Variants in BACH2 observed in about 807,000 individuals in gnomAD.
The protein encoded by BACH2 is BACH transcriptional regulator 2, also known as transcription regulator protein BACH2.
Under a neutral mutation model 61.8 loss-of-function variants are expected in BACH2, and 5 were observed. The ratio of observed to expected loss-of-function variants is 0.08; its 90% CI spans 0.04 to 0.17. The LOEUF is 0.17. BACH2 is among the 10% of genes least tolerant of loss of function. BACH2 has a pLI of 1.00. For synonymous variants in BACH2, 446 were observed against 440.1 expected (o/e 1.01, Z -0.17); for missense variants, 824 against 1,091.1 (o/e 0.76, Z 3.45).
chr6:90,285,404 C>T (rs570443787), intron 1 of BACH2, among the ~76,000 whole-genome samples: 11 of 152,248 alleles, frequency 7.2e-5, no homozygotes, highest in South Asian at 2.1e-4. Context: ...GTTTCAGTTA[C>T]GCCAAGAAAG....
At chr6:89,997,099 G>A (rs775642392) in intron 6 of BACH2, among the ~76,000 whole-genome samples, 2 of 151,840 alleles carry the variant, frequency 1.3e-5, no homozygotes, top group Non-Finnish European at 2.9e-5. Context: ...ATCTTATACT[G>A]TTACAAAATC....
intron 4 of BACH2, among the ~76,000 whole-genome samples, chr6:90,191,189 A>C (rs1460964352): frequency 6.6e-6 from 1 of 152,202 alleles, no homozygotes; most frequent in Non-Finnish European, 1.5e-5. Flanking sequence ...TTCAGAAAGG[A>C]GGGCAAGTGT....
At chr6:90,131,182 C>A (rs773703841) in intron 4 of BACH2, among the ~76,000 whole-genome samples, 1 of 152,004 alleles carries the variant, frequency 6.6e-6, no homozygotes, top group African/African-American at 2.4e-5. Flanking sequence ...GAAGTTTGAC[C>A]CTAAAAAACA....
intron 5 of BACH2, among the ~76,000 whole-genome samples, chr6:90,021,937 G>A (rs1778398505): frequency 6.6e-6 from 1 of 152,194 alleles, no homozygotes; most frequent in Non-Finnish European, 1.5e-5. Flanking sequence ...TTAGTGCCAA[G>A]GGAACTGAAA....
chr6:90,069,933 G>C (rs776455712), intron 5 of BACH2, among the ~76,000 whole-genome samples: 1 of 152,100 alleles, frequency 6.6e-6, no homozygotes, highest in Non-Finnish European at 1.5e-5. Flanking sequence ...GAGAACCTTC[G>C]GAGAACTTGA....
At chr6:89,973,209 C>T (rs923331883) in intron 6 of BACH2, among the ~76,000 whole-genome samples, 9 of 152,052 alleles carry the variant, frequency 5.9e-5, no homozygotes, top group Non-Finnish European at 1.0e-4. Context: ...CAGGACCAGC[C>T]TGGGCAACAC....
chr6:90,022,074 C>A (rs930290221), intron 5 of BACH2, among the ~76,000 whole-genome samples: 1 of 152,150 alleles, frequency 6.6e-6, no homozygotes, highest in African/African-American at 2.4e-5. Context: ...GTTCAATGTT[C>A]AAAAACTGAC....
chr6:89,983,710 A>T (rs1236166119), intron 6 of BACH2, among the ~76,000 whole-genome samples: 4 of 152,198 alleles, frequency 2.6e-5, no homozygotes, highest in Non-Finnish European at 5.9e-5. Flanking sequence ...TTCCTTAGTC[A>T]CACACGTGGC....
rs1414549457 is a variant in BACH2, at chr6:89,931,841, AAAG to A, written c.*564_*566del. 6.6e-6 allele frequency: 1 copy of A among 152,358 alleles called. No homozygotes were observed. The highest frequency in any genetic ancestry group is 1.5e-5 in the Non-Finnish European group (1 of 67,976). 9.4% of individuals were successfully genotyped at this position (152,358 alleles called of 1,614,324 possible). ...CAAACTAGTTCTAGCATCAGAGACA[AAAG>A]AAGAGGAATGTTGGAACCTGTTTCT... On this transcript the variant is annotated 3_prime_UTR_variant, in exon 9 of 9. Transcript: ENST00000257749.
chr6:90,203,391 CAAAAAAAAAAAAAAA>C, intron 4 of BACH2, among the ~76,000 whole-genome samples: 1 of 59,790 alleles, frequency 1.7e-5, no homozygotes, highest in South Asian at 8.5e-4. Context: ...TCTCTCTCTC[CAAAAAAAAAAAAAAA>C]AAAAAAAAAA....
At chr6:90,242,319 C>G (rs1770481904) in intron 3 of BACH2, among the ~76,000 whole-genome samples, 1 of 152,198 alleles carries the variant, frequency 6.6e-6, no homozygotes, top group South Asian at 2.1e-4. Flanking sequence ...TTTGCCTTTT[C>G]TATAGTTTAA....
Position 90,008,167 on chromosome 6 carries a change from TA to T in BACH2, c.243+434del, listed in dbSNP as rs1185303328. On this transcript the variant is annotated intron_variant, in intron 6 of 8. Transcript: ENST00000257749. This position sits in a 1 kb window ranked among gnomAD's most constrained non-coding sequence, Gnocchi z 4.1. The stretch of plus-strand genomic sequence containing the variant: ...TTACTGAATTAATGGTGAAAATTAC[TA>T]GTTGCTTTTATTTTTCCCCCAAGCA... 1 of 168,292 alleles carries T rather than the reference TA, an allele frequency of 5.9e-6. No individual in the cohort carries two copies. Among genetic ancestry groups the T allele is most frequent in the Non-Finnish European group, 1.3e-5 (1 of 77,074 alleles). The allele number at this position is 168,292 out of a possible 1,614,324, so 10.4% of individuals were successfully genotyped here. A position where few individuals can be genotyped will look rare whatever the true frequency, so the allele number is the denominator to read the frequency against.
chr6:89,927,233 A>C lies in BACH2; in HGVS notation c.*5175T>G, dbSNP rs1772400315. Reference sequence around the variant, plus strand: ...CCCAAATGCATATGGAATCTTCCTGATCACTCACTAGAGGTGCCATGTCTT... The same window carrying C: ...CCCAAATGCATATGGAATCTTCCTGCTCACTCACTAGAGGTGCCATGTCTT... On this transcript the variant is annotated 3_prime_UTR_variant, in exon 9 of 9. Transcript: ENST00000257749. The C allele has an allele frequency of 6.5e-6, 1 of 152,794 alleles. No individual in the cohort carries two copies. The highest frequency in any genetic ancestry group is 1.5e-5 in the Non-Finnish European group (1 of 68,032). 9.5% of individuals were successfully genotyped at this position (152,794 alleles called of 1,614,324 possible).
At chr6:90,087,029 A>T (rs544311587) in intron 5 of BACH2, among the ~76,000 whole-genome samples, 1 of 152,130 alleles carries the variant, frequency 6.6e-6, no homozygotes, top group Admixed American at 6.5e-5. Flanking sequence ...GATCACTTTT[A>T]ACACTTACTG....
chr6:90,096,630 C>T (rs548868748), intron 4 of BACH2, among the ~76,000 whole-genome samples: 8 of 152,322 alleles, frequency 5.3e-5, no homozygotes, highest in Admixed American at 2.0e-4. Context: ...GTGACAGGTA[C>T]ACATAGAGGA....
At chr6:90,164,815 C>T (rs1767549198) in intron 4 of BACH2, among the ~76,000 whole-genome samples, 1 of 152,154 alleles carries the variant, frequency 6.6e-6, no homozygotes. Context: ...ACAAAAACCA[C>T]ATGATTATCT....
intron 4 of BACH2, among the ~76,000 whole-genome samples, chr6:90,111,391 C>T (rs1783164807): frequency 6.6e-6 from 1 of 152,236 alleles, no homozygotes; most frequent in African/African-American, 2.4e-5. Flanking sequence ...TCACATCGCT[C>T]TCCTGCTTAA....
intron 3 of BACH2, among the ~76,000 whole-genome samples, chr6:90,218,580 T>C (rs1769624608): frequency 6.6e-6 from 1 of 151,180 alleles, no homozygotes; most frequent in South Asian, 2.1e-4. Context: ...AACAAATCCA[T>C]CTGCCTGAAG....
intron 4 of BACH2, among the ~76,000 whole-genome samples, chr6:90,122,851 G>A (rs1378080247): frequency 6.6e-6 from 1 of 152,098 alleles, no homozygotes; most frequent in African/African-American, 2.4e-5. Context: ...CCATGGCAAT[G>A]GTTCTATTTT....
Sources: allele counts gnomAD v4.1 joint callset (sites outside exome capture counted in the v4.1 genomes callset), GRCh38; gene constraint gnomAD v4.1.1; non-coding constraint Gnocchi (gnomAD v3.1); transcripts MANE v1.5; gene names NCBI Gene and HGNC (gene_info 2026-07-23, HGNC 2026-07-21).